NDUFA5: variants seen among roughly 807,000 people sequenced by gnomAD.
The protein encoded by NDUFA5 is NADH dehydrogenase [ubiquinone] 1 alpha subcomplex subunit 5.
NDUFA5 carries 11 observed loss-of-function variants against 19.8 expected under a neutral mutation model. The ratio of observed to expected loss-of-function variants is 0.56; its 90% CI spans 0.35 to 0.92. NDUFA5 has a LOEUF of 0.92. Ranked by LOEUF, NDUFA5 falls within the 40% of genes least tolerant of loss-of-function variation. The pLI, the probability that NDUFA5 is intolerant of heterozygous loss-of-function variation, is 0.01. For missense variants in NDUFA5, 109 were observed against 134.2 expected (o/e 0.81, Z 0.93); for synonymous variants, 47 against 46.8 (o/e 1.00, Z -0.01).
intron 2 of NDUFA5, among the ~76,000 whole-genome samples, chr7:123,551,852 A>G (rs1445617794): frequency 6.6e-6 from 1 of 152,194 alleles, no homozygotes; most frequent in East Asian, 1.9e-4. Flanking sequence ...ATAGCATTTT[A>G]ATTAAGTTTT....
chr7:123,550,681 A>C, intron 2 of NDUFA5, 95 bp from the exon 3 acceptor site: 4 of 686,248 alleles, frequency 5.8e-6, no homozygotes, highest in East Asian at 3.0e-5. Flanking sequence ...CAAAACTCAC[A>C]TCTGTTTTTT....
the NDUFA5 span, among the ~76,000 whole-genome samples, chr7:123,582,846 A>G: frequency 6.6e-6 from 1 of 152,054 alleles, no homozygotes; most frequent in Non-Finnish European, 1.5e-5. Context: ...GCTAATAAAT[A>G]CATACTTGGC....
At chr7:123,550,366 G>T in intron 3 of NDUFA5, 104 bp downstream of exon 3, 1 of 713,690 alleles carries the variant, frequency 1.4e-6, no homozygotes, top group Non-Finnish European at 2.5e-6. Flanking sequence ...GAGCATTCAA[G>T]GAAGGAGAAT....
At chr7:123,558,027 G>T, upstream of NDUFA5, 1 of 669,986 alleles carries the variant, frequency 1.5e-6, no homozygotes. Flanking sequence ...GGGAAAGAAA[G>T]GGTTTCCCAG....
chr7:123,542,509 T>C (rs974359588), intron 4 of NDUFA5, among the ~76,000 whole-genome samples: 1 of 152,216 alleles, frequency 6.6e-6, no homozygotes, highest in Non-Finnish European at 1.5e-5. Flanking sequence ...ACAAGTTTTT[T>C]GAGCATCAGA....
upstream of NDUFA5, among the ~76,000 whole-genome samples, chr7:123,560,652 C>T (rs1562902067): frequency 6.6e-6 from 1 of 152,168 alleles, no homozygotes; most frequent in East Asian, 1.9e-4. Flanking sequence ...TTGGCTTATA[C>T]TGGTTACCCT....
chr7:123,551,109 G>C (rs1238453598), intron 2 of NDUFA5, among the ~76,000 whole-genome samples: 1 of 151,722 alleles, frequency 6.6e-6, no homozygotes, highest in African/African-American at 2.4e-5. Context: ...GTAGAGACGG[G>C]GTTTTGCCAT....
At chr7:123,564,539 CAT>C in the NDUFA5 span, among the ~76,000 whole-genome samples, 1 of 151,912 alleles carries the variant, frequency 6.6e-6, no homozygotes, top group Admixed American at 6.6e-5. Context: ...CACATATACA[CAT>C]ATGAAATAGC....
chr7:123,569,656 CCAG>C, the NDUFA5 span, among the ~76,000 whole-genome samples: 18 of 152,250 alleles, frequency 1.2e-4, no homozygotes, highest in African/African-American at 4.3e-4. Flanking sequence ...ATTATAAAAT[CCAG>C]CTGAACAAGA....
chr7:123,583,338 TATC>T, the NDUFA5 span, among the ~76,000 whole-genome samples: 1 of 151,952 alleles, frequency 6.6e-6, no homozygotes, highest in African/African-American at 2.4e-5. Context: ...TATGAGGAGA[TATC>T]ATGGGAAGTG....
chr7:123,598,955 G>T, the NDUFA5 span: 1 of 152,072 alleles, frequency 6.6e-6, no homozygotes, highest in East Asian at 1.9e-4. Context: ...GAAAAACAGC[G>T]TACAGCATAG....
chr7:123,562,462 T>C (rs1409111575), upstream of NDUFA5, among the ~76,000 whole-genome samples: 1 of 152,224 alleles, frequency 6.6e-6, no homozygotes, highest in East Asian at 1.9e-4. Context: ...AATCTATTGT[T>C]TCCTGTGGTT....
intron 2 of NDUFA5, among the ~76,000 whole-genome samples, chr7:123,552,782 T>C (rs540528443): frequency 1.7e-4 from 26 of 152,114 alleles, no homozygotes; most frequent in African/African-American, 6.0e-4. Flanking sequence ...CTCACAATCT[T>C]CCTGTGCCCA....
At chr7:123,585,056 A>G in the NDUFA5 span, 1 of 151,784 alleles carries the variant, frequency 6.6e-6, no homozygotes, top group East Asian at 1.9e-4. Context: ...TTACGAGGAA[A>G]GATCTTCCCT....
At chr7:123,586,177 G>C in the NDUFA5 span, among the ~76,000 whole-genome samples, 1 of 151,634 alleles carries the variant, frequency 6.6e-6, no homozygotes, top group Non-Finnish European at 1.5e-5. Context: ...ATGGCTGTAC[G>C]AATTTACTTT....
the NDUFA5 span, among the ~76,000 whole-genome samples, chr7:123,592,121 T>C: frequency 6.6e-6 from 1 of 152,234 alleles, no homozygotes. Context: ...GTAGTTTGTA[T>C]TTCTGTGGGA....
upstream of NDUFA5, among the ~76,000 whole-genome samples, chr7:123,559,003 A>G (rs530742457): frequency 1.3e-5 from 2 of 152,262 alleles, no homozygotes; most frequent in South Asian, 4.1e-4. Context: ...GAGACAGAAT[A>G]TCAATAAAGA....
the NDUFA5 span, among the ~76,000 whole-genome samples, chr7:123,578,342 T>C: frequency 6.6e-5 from 10 of 151,954 alleles, no homozygotes; most frequent in East Asian, 1.4e-3. Context: ...TTCCTGTGAC[T>C]AGAACTCTGT....
rs1157154684 is a variant in NDUFA5, at chr7:123,538,179, C to G, written c.*3940G>C. 6.6e-6 allele frequency: 1 copy of G among 152,150 alleles called. No individual in the cohort carries two copies. Among genetic ancestry groups the G allele is most frequent in the African/African-American group, 2.4e-5 (1 of 41,422 alleles). 9.4% of individuals were successfully genotyped at this position (152,150 alleles called of 1,614,324 possible). A position where few individuals can be genotyped will look rare whatever the true frequency, so the allele number is the denominator to read the frequency against. On this transcript the variant is annotated 3_prime_UTR_variant, in exon 5 of 5. Coordinates refer to ENST00000355749, the MANE Select transcript of NDUFA5 (RefSeq NM_005000.5). ...GTCATGGAAATATATGTTGATGGTG[C>G]CACACTCAGCCTGGATTCCTTGTGG... is the stretch of plus-strand genomic sequence containing the variant.
Sources: gnomAD v4.1 joint callset for allele counts (sites outside exome capture counted in the v4.1 genomes callset) on GRCh38, gnomAD v4.1.1 for gene constraint, MANE v1.5 for transcripts, NCBI Gene and HGNC (gene_info 2026-07-23, HGNC 2026-07-21) for gene names.